The following RAB11FIP5 variants were observed in gnomAD, a reference collection of about 807,000 sequenced individuals.
RAB11FIP5 encodes the protein RAB11 family interacting protein 5.
Under a neutral mutation model 85.1 loss-of-function variants are expected in RAB11FIP5, and 48 were observed. The observed-to-expected ratio is 0.56, with a 90% confidence interval of 0.45 to 0.72. The LOEUF is 0.72. Among genes scored for constraint, RAB11FIP5 ranks in the 30% least tolerant of loss-of-function variants. The probability of loss-of-function intolerance (pLI) is 0.00; values close to 1 mark genes in which losing one functional copy is unlikely to be tolerated. For synonymous variants in RAB11FIP5, 729 were observed against 727.3 expected (o/e 1.00, Z -0.04); for missense variants, 1,491 against 1,687.0 (o/e 0.88, Z 2.04).
Position 73,080,239 on chromosome 2 carries a change from G to A in RAB11FIP5, c.2993C>T (p.Pro998Leu). 2 of 1,232,828 alleles carry A rather than the reference G, an allele frequency of 1.6e-6. No homozygotes were observed. Among genetic ancestry groups the A allele is most frequent in the East Asian group, 6.3e-5 (2 of 31,700 alleles). 76.4% of individuals were successfully genotyped at this position (1,232,828 alleles called of 1,614,324 possible). The change falls in exon 4 of 6, where the codon CCT becomes CTT. Residue 998 changes from proline (P) to leucine (L), a missense_variant. Pro to Leu is a moderately conservative substitution (Grantham distance 98). This residue lies in a region of RAB11FIP5 where 1,211 missense variants were observed against 1,338.0 expected (regional missense o/e 0.91). Transcript: ENST00000486777. ...ACAGGGTATGGGGGCAGGACCCTCA[G>A]GGCAGCTGGCGGGTGCAGACAGGCA... ...GPCLSAPASC[P>L]EGPAPIPCHS... is the part of the protein sequence containing the mutation.
At chr2:73,103,356 T>G (rs1208873971) in intron 1 of RAB11FIP5, among the ~76,000 whole-genome samples, 1 of 152,114 alleles carries the variant, frequency 6.6e-6, no homozygotes, top group Admixed American at 6.5e-5. Flanking sequence ...CCCTCCCTCC[T>G]GGGCACAAGC....
At chr2:73,096,778 C>G (rs866611989) in intron 1 of RAB11FIP5, among the ~76,000 whole-genome samples, 1 of 152,192 alleles carries the variant, frequency 6.6e-6, no homozygotes, top group Non-Finnish European at 1.5e-5. Flanking sequence ...ACGCCCCGCT[C>G]TCCCTCACTC....
chr2:73,084,517 G>A (rs989249320), intron 3 of RAB11FIP5: 27 of 152,214 alleles, frequency 1.8e-4, no homozygotes, highest in African/African-American at 6.5e-4. Context: ...TGCTGGGAAG[G>A]AAGTCAGAAG....
At chr2:73,109,445 T>C (rs1684599567) in intron 1 of RAB11FIP5, among the ~76,000 whole-genome samples, 1 of 152,240 alleles carries the variant, frequency 6.6e-6, no homozygotes, top group Non-Finnish European at 1.5e-5. Context: ...AACTCTATGA[T>C]TATTATCATG....
chr2:73,082,028 C>T (rs911437420), intron 3 of RAB11FIP5, among the ~76,000 whole-genome samples: 6 of 149,862 alleles, frequency 4.0e-5, no homozygotes, highest in Non-Finnish European at 7.4e-5. Flanking sequence ...AATCTGAAAG[C>T]GCCTTACATC....
At chr2:73,077,672 C>T (rs529526129) in intron 4 of RAB11FIP5, among the ~76,000 whole-genome samples, 1 of 152,202 alleles carries the variant, frequency 6.6e-6, no homozygotes, top group Non-Finnish European at 1.5e-5. Flanking sequence ...CCCGTTGGCT[C>T]ACTAATTCCT....
At chr2:73,083,008 C>A (rs1273232616) in intron 3 of RAB11FIP5, among the ~76,000 whole-genome samples, 1 of 152,224 alleles carries the variant, frequency 6.6e-6, no homozygotes, top group Non-Finnish European at 1.5e-5. Flanking sequence ...GCTTCCAGGA[C>A]CCCTGTTCCT....
In RAB11FIP5 at chr2:73,086,407, G is replaced by A. The variant is rs1267959621; in HGVS notation, c.1568+1643C>T. Among the ~76,000 whole-genome samples the A allele has an allele frequency of 2.0e-5, 3 of 152,146 alleles. No homozygotes were observed. The highest frequency in any genetic ancestry group is 7.2e-5 in the African/African-American group (3 of 41,428). On this transcript the variant is annotated intron_variant, in intron 3 of 5. Coordinates refer to ENST00000486777, the MANE Select transcript of RAB11FIP5 (RefSeq NM_001371272.1). The surrounding 1 kb of genome is among the most constrained non-coding windows in gnomAD (Gnocchi z 4.4). ...ATGGGGAAGCAGGAGAAAGAGGATG[G>A]AGACTGTAAGTGCCCCAGGCCAGTG...
At chr2:73,102,786 G>A (rs1464847003) in intron 1 of RAB11FIP5, among the ~76,000 whole-genome samples, 1 of 152,200 alleles carries the variant, frequency 6.6e-6, no homozygotes, top group Non-Finnish European at 1.5e-5. Context: ...ATGATTTTAA[G>A]GGCCTTGTGT....
chr2:73,079,425 G>C (rs1004510292), intron 4 of RAB11FIP5, among the ~76,000 whole-genome samples: 4 of 152,120 alleles, frequency 2.6e-5, no homozygotes, highest in Non-Finnish European at 4.4e-5. Context: ...CCTGGCTTGT[G>C]GGGGGCTGCC....
In RAB11FIP5 at chr2:73,080,411, C is replaced by T. The variant is rs1014353812; in HGVS notation, c.2821G>A (p.Ala941Thr). ...ETEGEDASPSALVVGPPETKE... is the reference protein window; with the variant it reads ...ETEGEDASPSTLVVGPPETKE... ...GTCTCCGGGGGACCGACAACCAGTGCACTTGGGGAGGCATCTTCTCCCTCT... is the reference window on the plus strand; with the variant it reads ...GTCTCCGGGGGACCGACAACCAGTGTACTTGGGGAGGCATCTTCTCCCTCT... Residue 941 changes from alanine to threonine, a missense_variant, in exon 4 of 6, where the codon GCA (alanine) becomes ACA (threonine). By Grantham distance (58) the Ala-to-Thr change is moderately conservative (BLOSUM62 0). Around this residue, in one of 3 missense-constraint regions of RAB11FIP5, gnomAD observed 1,211 missense variants for 1,338.0 expected, o/e 0.91. Coordinates refer to ENST00000486777, the MANE Select transcript of RAB11FIP5 (RefSeq NM_001371272.1). The T allele has an allele frequency of 8.1e-7, 1 of 1,233,326 alleles. No homozygotes were observed. Among genetic ancestry groups the T allele is most frequent in the Non-Finnish European group, 1.0e-6 (1 of 988,544 alleles). 76.4% of individuals were successfully genotyped at this position (1,233,326 alleles called of 1,614,324 possible).
rs1008611363 is a variant in RAB11FIP5, at chr2:73,073,508, C to G, written c.*2013G>C. On this transcript the variant is annotated 3_prime_UTR_variant, in exon 6 of 6. Transcript: ENST00000486777. ...CATGCCTGCTCCCTGCCCAACCCAC[C>G]TGCAACTTTCCTCCAAGTGTGGCTA... The G allele has an allele frequency of 1.4e-4, 21 of 152,804 alleles. No homozygotes were observed. The highest frequency in any genetic ancestry group is 5.0e-4 in the African/African-American group (21 of 41,588). 9.5% of individuals were successfully genotyped at this position (152,804 alleles called of 1,614,324 possible).
At position 73,088,731 on chromosome 2, in the gene RAB11FIP5, G is replaced by A. The variant is rs757199657; in HGVS notation, c.887C>T (p.Ser296Phe). Residue 296 changes from serine to phenylalanine, a missense_variant, in exon 3 of 6, where the codon TCC (serine) becomes TTC (phenylalanine). By Grantham distance (155) the Ser-to-Phe change is radical. Around this residue, in one of 3 missense-constraint regions of RAB11FIP5, gnomAD observed 1,211 missense variants for 1,338.0 expected, o/e 0.91. Transcript: ENST00000486777. ...STEGGRDSAQ[S>F]PKLFTHKRTY... The stretch of plus-strand genomic sequence containing the variant: ...CCTCTTATGGGTGAACAGCTTGGGG[G>A]ACTGTGCAGAGTCCCTGCCTGCAGG... 11 of 1,604,714 alleles carry A rather than the reference G, an allele frequency of 6.9e-6. No individual in the cohort carries two copies. The highest frequency in any genetic ancestry group is 7.7e-6 in the Non-Finnish European group (9 of 1,176,058).
chr2:73,111,669 A>AG (rs1684658422), intron 1 of RAB11FIP5, among the ~76,000 whole-genome samples: 2 of 152,084 alleles, frequency 1.3e-5, no homozygotes, highest in African/African-American at 2.4e-5. Flanking sequence ...AGGGCAGGGC[A>AG]GGCAGGCAGG....
At chr2:73,107,920 C>A (rs1239794615) in intron 1 of RAB11FIP5, among the ~76,000 whole-genome samples, 1 of 152,206 alleles carries the variant, frequency 6.6e-6, no homozygotes, top group Non-Finnish European at 1.5e-5. Context: ...GGGTCACGCA[C>A]CATCTGCCCA....
Position 73,081,054 on chromosome 2 carries a change from C to T in RAB11FIP5, c.2178G>A (p.Leu726=). 1 of 1,233,060 alleles carries T rather than the reference C, an allele frequency of 8.1e-7. No individual in the cohort carries two copies. Among genetic ancestry groups the T allele is most frequent in the African/African-American group, 1.6e-5 (1 of 64,514 alleles). The allele number at this position is 1,233,060 out of a possible 1,614,324, so 76.4% of individuals were successfully genotyped here. ...SSVWLEPRVP[L]DLGPNHQSAS... ...CGCTCTGGTGGTTCGGTCCCAAGTC[C>T]AGAGGAACCCTGGGCTCCAGCCACA... Residue 726 remains leucine, a synonymous_variant, in exon 4 of 6, where the codon CTG becomes CTA. Coordinates refer to ENST00000486777, the MANE Select transcript of RAB11FIP5 (RefSeq NM_001371272.1). This position sits in a 1 kb window ranked among gnomAD's most constrained non-coding sequence, Gnocchi z 4.2.
chr2:73,087,513 C>A (rs1027237773), intron 3 of RAB11FIP5, among the ~76,000 whole-genome samples: 26 of 152,186 alleles, frequency 1.7e-4, no homozygotes, highest in African/African-American at 5.6e-4. Context: ...CCTGGGGAAG[C>A]AACTGGCAGG....
chr2:73,075,643 G>A lies in RAB11FIP5; in HGVS notation c.3853C>T (p.Arg1285Trp), dbSNP rs772127346. The A allele has an allele frequency of 2.2e-5, 35 of 1,613,704 alleles. No homozygotes were observed. Among genetic ancestry groups the A allele is most frequent in the Non-Finnish European group, 2.4e-5 (28 of 1,179,890 alleles). Residue 1285 changes from arginine to tryptophan, a missense_variant, in exon 6 of 6, where the codon CGG becomes TGG. Coordinates refer to ENST00000486777, the MANE Select transcript of RAB11FIP5 (RefSeq NM_001371272.1). The surrounding 1 kb of genome is among the most constrained non-coding windows in gnomAD (Gnocchi z 4.6). ...ELISLLLQRE[R>W]ELSQRDEHVQ... ...TGCTCGTCCCGCTGGCTCAGCTCCC[G>A]CTCCCGCTGCAGGAGCAGGCTGATG...
intron 4 of RAB11FIP5, among the ~76,000 whole-genome samples, chr2:73,077,656 C>T (rs1258448482): frequency 8.5e-5 from 13 of 152,208 alleles, no homozygotes; most frequent in Non-Finnish European, 1.5e-4. Context: ...AACATTGCCC[C>T]TTCCTCCCGT....
Sources: gnomAD v4.1 joint callset for allele counts (sites outside exome capture counted in the v4.1 genomes callset) on GRCh38, gnomAD v4.1.1 for gene constraint, gnomAD v4.1.1 regional missense constraint, Gnocchi (gnomAD v3.1) non-coding constraint, MANE v1.5 for transcripts, NCBI Gene and HGNC (gene_info 2026-07-23, HGNC 2026-07-21) for gene names.